POU3F3: variants seen among roughly 807,000 people sequenced by gnomAD.
POU3F3 encodes POU domain, class 3, transcription factor 3.
A neutral mutation model predicts 8.6 loss-of-function variants in POU3F3; 1 was observed. The observed-to-expected ratio is 0.12, with a 90% CI of 0.04 to 0.55. The LOEUF is 0.55. Among genes scored for constraint, POU3F3 ranks in the 20% least tolerant of loss-of-function variants. POU3F3 has a pLI of 0.91. For missense variants in POU3F3, 577 were observed against 690.7 expected (o/e 0.84, Z 1.84); for synonymous variants, 418 against 327.4 (o/e 1.28, Z -2.99).
chr2:104,858,775 C>A (rs145595790), downstream of POU3F3, among the ~76,000 whole-genome samples: 263 of 152,296 alleles, frequency 1.7e-3, 2 homozygotes, highest in African/African-American at 6.2e-3. Flanking sequence ...CCTCGATAAT[C>A]CATAAATTCA....
the POU3F3 span, among the ~76,000 whole-genome samples, chr2:104,908,237 C>T: frequency 6.6e-6 from 1 of 152,128 alleles, no homozygotes; most frequent in African/African-American, 2.4e-5. Flanking sequence ...CATGAGTACT[C>T]CCAGACATGG....
At chr2:104,912,069 C>T in the POU3F3 span, among the ~76,000 whole-genome samples, 1 of 152,162 alleles carries the variant, frequency 6.6e-6, no homozygotes, top group Non-Finnish European at 1.5e-5. Context: ...AAGCCCGGAG[C>T]CCCACAGGCC....
downstream of POU3F3, among the ~76,000 whole-genome samples, chr2:104,860,501 A>G (rs1676641128): frequency 6.6e-6 from 1 of 152,154 alleles, no homozygotes; most frequent in South Asian, 2.1e-4. Flanking sequence ...TGTGCTTCGT[A>G]AAGTGCCCAT....
the POU3F3 span, among the ~76,000 whole-genome samples, chr2:104,926,497 A>T: frequency 6.6e-6 from 1 of 152,210 alleles, no homozygotes; most frequent in Non-Finnish European, 1.5e-5. Context: ...ACACTTTTAC[A>T]CTGTTGGTGG....
At chr2:104,861,824 G>A (rs1676661343), downstream of POU3F3, among the ~76,000 whole-genome samples, 1 of 152,206 alleles carries the variant, frequency 6.6e-6, no homozygotes, top group Middle Eastern at 3.2e-3. Flanking sequence ...GGTCATCTCA[G>A]CTCCTCAGGG....
chr2:104,872,140 AC>A, the POU3F3 span: 1 of 426,262 alleles, frequency 2.3e-6, no homozygotes, highest in South Asian at 1.7e-5. The surrounding 1 kb of genome is among the most constrained non-coding windows in gnomAD (Gnocchi z 4.6). Flanking sequence ...CCCTTTCAAA[AC>A]CCCCTGGAGA....
At chr2:104,862,533 CT>C (rs1676677498), downstream of POU3F3, among the ~76,000 whole-genome samples, 1 of 149,430 alleles carries the variant, frequency 6.7e-6, no homozygotes, top group Non-Finnish European at 1.5e-5. Flanking sequence ...CCAAAGCTCG[CT>C]TCTCTCCGGG....
chr2:104,884,304 G>A, the POU3F3 span, among the ~76,000 whole-genome samples: 1 of 152,142 alleles, frequency 6.6e-6, no homozygotes, highest in African/African-American at 2.4e-5. Flanking sequence ...CAGCAGCAGA[G>A]GATGTCTGGT....
chr2:104,894,199 T>C, the POU3F3 span, among the ~76,000 whole-genome samples: 15 of 152,212 alleles, frequency 9.9e-5, no homozygotes, highest in African/African-American at 3.6e-4. Flanking sequence ...GCACATGAGT[T>C]GTACCCGGTG....
chr2:104,881,890 T>C, the POU3F3 span, among the ~76,000 whole-genome samples: 1 of 152,324 alleles, frequency 6.6e-6, no homozygotes, highest in East Asian at 1.9e-4. Context: ...TATCTGTCAA[T>C]AGATGATTAT....
chr2:104,863,000 CTT>C (rs899866507), downstream of POU3F3, among the ~76,000 whole-genome samples: 1 of 143,546 alleles, frequency 7.0e-6, no homozygotes, highest in African/African-American at 2.6e-5. Context: ...ATAGTAAATT[CTT>C]TTTTTTTTTA....
At chr2:104,912,410 G>A in the POU3F3 span, among the ~76,000 whole-genome samples, 1 of 151,930 alleles carries the variant, frequency 6.6e-6, no homozygotes. Context: ...CAAAGCTGTT[G>A]AGCACCATTT....
chr2:104,855,954 C>G lies in POU3F3; in HGVS notation c.444C>G (p.Asp148Glu). 1 of 1,055,502 alleles carries G rather than the reference C, an allele frequency of 9.5e-7. No homozygotes were observed. Among genetic ancestry groups the G allele is most frequent in the South Asian group, 2.7e-5 (1 of 36,744 alleles). 65.4% of individuals were successfully genotyped at this position (1,055,502 alleles called of 1,614,324 possible). The change falls in exon 1 of 1, where the codon GAC (aspartate) becomes GAG (glutamate). Residue 148 changes from aspartate to glutamate, a missense_variant. Physicochemically the swap from Asp to Glu is conservative, Grantham distance 45. Transcript: ENST00000361360. Reference protein sequence around the residue: ...QPPPPPPQGPDVKGGAGRDDL... With the variant: ...QPPPPPPQGPEVKGGAGRDDL... ...CGCCGCCACCGCCGCAGGGCCCCGACGTGAAGGGCGGCGCCGGGCGCGACG... is the reference window on the plus strand; with the variant it reads ...CGCCGCCACCGCCGCAGGGCCCCGAGGTGAAGGGCGGCGCCGGGCGCGACG...
downstream of POU3F3, among the ~76,000 whole-genome samples, chr2:104,862,629 G>A (rs1253412120): frequency 6.6e-6 from 1 of 152,206 alleles, no homozygotes; most frequent in Non-Finnish European, 1.5e-5. Context: ...GCACGGCCGG[G>A]CGGCCAGACT....
chr2:104,856,626 C>T lies in POU3F3; in HGVS notation c.1116C>T (p.Asn372=), dbSNP rs758331254. Residue 372 remains asparagine, a synonymous_variant, in exon 1 of 1, where the codon AAC becomes AAT. Transcript: ENST00000361360. The part of the protein sequence containing the change: ...RFEALQLSFK[N]MCKLKPLLNK... ...AGGCCCTGCAGCTGAGCTTCAAGAA[C>T]ATGTGCAAGCTCAAGCCGCTGCTGA... 1.2e-6 allele frequency: 2 copies of T among 1,614,202 alleles called. No homozygotes were observed. The highest frequency in any genetic ancestry group is 1.7e-6 in the Non-Finnish European group (2 of 1,180,040).
At chr2:104,880,117 T>C in the POU3F3 span, among the ~76,000 whole-genome samples, 9 of 152,304 alleles carry the variant, frequency 5.9e-5, no homozygotes, top group African/African-American at 1.7e-4. Context: ...GAGCTTATTC[T>C]TTCTCCTTCA....
At chr2:104,912,528 A>G in the POU3F3 span, among the ~76,000 whole-genome samples, 1 of 152,090 alleles carries the variant, frequency 6.6e-6, no homozygotes, top group South Asian at 2.1e-4. Flanking sequence ...TAGCTTGACT[A>G]TTTTCTCTTT....
At position 104,854,888 on chromosome 2, in the gene POU3F3, G is replaced by A. The variant is rs1407014025; in HGVS notation, c.-623G>A. Among the ~76,000 whole-genome samples, 1 of 152,222 alleles carries A rather than the reference G, an allele frequency of 6.6e-6. No homozygotes were observed. Among genetic ancestry groups the A allele is most frequent in the Non-Finnish European group, 1.5e-5 (1 of 68,034 alleles). On this transcript the variant is annotated 5_prime_UTR_variant, in exon 1 of 1. Transcript: ENST00000361360. The surrounding 1 kb of genome is among the most constrained non-coding windows in gnomAD (Gnocchi z 4.5). ...AGAGAGCGGACAAGAGAAGGAGCGGGCCGGTTGCTGGTCATCCGTAATTTG... is the reference window on the plus strand; with the variant it reads ...AGAGAGCGGACAAGAGAAGGAGCGGACCGGTTGCTGGTCATCCGTAATTTG...
chr2:104,880,170 C>A, the POU3F3 span, among the ~76,000 whole-genome samples: 11 of 152,132 alleles, frequency 7.2e-5, no homozygotes, highest in Admixed American at 7.2e-4. Flanking sequence ...TTTTCAGATT[C>A]ATCCTCTCCC....
Sources: gnomAD v4.1 joint callset for allele counts (sites outside exome capture counted in the v4.1 genomes callset) on GRCh38, gnomAD v4.1.1 for gene constraint, Gnocchi (gnomAD v3.1) non-coding constraint, MANE v1.5 for transcripts, NCBI Gene and HGNC (gene_info 2026-07-23, HGNC 2026-07-21) for gene names.